Variants in TFPI observed in about 807,000 individuals in gnomAD.
TFPI encodes the protein anti-convertin.
In TFPI, 15 loss-of-function variants were observed where a neutral mutation model predicts 34.6. The observed-to-expected ratio is 0.43, with a 90% CI of 0.29 to 0.67. TFPI has a LOEUF of 0.67. Ranked by LOEUF, TFPI falls within the 30% of genes least tolerant of loss-of-function variation. The probability of loss-of-function intolerance (pLI) is 0.15; values close to 1 mark genes in which losing one functional copy is unlikely to be tolerated. For synonymous variants in TFPI, 105 were observed against 120.1 expected (o/e 0.87, Z 0.82); for missense variants, 301 against 364.0 (o/e 0.83, Z 1.41).
intron 1 of TFPI, chr2:187,527,375 C>A (rs1246084587): frequency 6.6e-6 from 1 of 152,100 alleles, no homozygotes; most frequent in Non-Finnish European, 1.5e-5. Context: ...TGCATAATCT[C>A]AGGGAGAGGT....
intron 1 of TFPI, 173 bp downstream of exon 1, chr2:187,554,027 G>T (rs1350119671): frequency 6.6e-6 from 1 of 152,010 alleles, no homozygotes; most frequent in African/African-American, 2.4e-5. Context: ...CTCAAGTTTG[G>T]ATTGCAGTTT....
intron 6 of TFPI, among the ~76,000 whole-genome samples, chr2:187,476,039 A>C (rs1238202308): frequency 6.6e-6 from 1 of 152,180 alleles, no homozygotes; most frequent in Non-Finnish European, 1.5e-5. Flanking sequence ...TTGGTGCAAC[A>C]GTGCTGATTC....
At chr2:187,537,136 A>G (rs1283966610) in intron 1 of TFPI, among the ~76,000 whole-genome samples, 1 of 152,254 alleles carries the variant, frequency 6.6e-6, no homozygotes, top group Non-Finnish European at 1.5e-5. Context: ...AGAAAAATCA[A>G]TATCATGAAA....
chr2:187,519,279 C>T, intron 1 of TFPI: 1 of 153,778 alleles, frequency 6.5e-6, no homozygotes, highest in Non-Finnish European at 1.4e-5. Context: ...CATGGATTTA[C>T]CTACCTTTGG....
intron 1 of TFPI, chr2:187,520,501 A>C (rs1429822433): frequency 6.6e-6 from 1 of 152,060 alleles, no homozygotes; most frequent in Non-Finnish European, 1.5e-5. Flanking sequence ...TCCCGATGAG[A>C]TGAGCCAGAT....
rs1329036572 is a variant in TFPI at position 187,547,433 on chromosome 2, G to A, written c.-3+6767C>T. The A allele has an allele frequency of 2.0e-5, 3 of 152,134 alleles. No homozygotes were observed. In the East Asian group the frequency reaches 5.8e-4, roughly 29 times the overall value. 9.4% of individuals were successfully genotyped at this position (152,134 alleles called of 1,614,324 possible). ...TTTAGTAATAAAAATAAGCCTTAAT[G>A]TGAAAAAGCTAAGAATTCATGATTG... On this transcript the variant is annotated intron_variant, in intron 1 of 7. Transcript: ENST00000233156.
chr2:187,512,774 TG>T (rs199608529), intron 1 of TFPI, among the ~76,000 whole-genome samples: 9 of 151,422 alleles, frequency 5.9e-5, no homozygotes, highest in South Asian at 4.2e-4. Flanking sequence ...GAAAAAAAGT[TG>T]GGGGGGGCCG....
At chr2:187,542,866 C>A (rs368504916) in intron 1 of TFPI, among the ~76,000 whole-genome samples, 1,764 of 121,304 alleles carry the variant, frequency 0.015, no homozygotes, top group Non-Finnish European at 0.017. Context: ...GACTTAGTCT[C>A]AAAAAAAAAA....
intron 6 of TFPI, among the ~76,000 whole-genome samples, chr2:187,473,818 CG>C (rs8176560): frequency 0.017 from 2,603 of 150,244 alleles, 70 homozygotes; most frequent in African/African-American, 0.06. Context: ...TTTTTCCCCC[CG>C]CATGTGTATA....
chr2:187,482,502 A>G (rs1692946205), intron 6 of TFPI, among the ~76,000 whole-genome samples: 1 of 152,094 alleles, frequency 6.6e-6, no homozygotes, highest in Non-Finnish European at 1.5e-5. Flanking sequence ...ACTCAAGTTC[A>G]TCTGGCATTC....
intron 1 of TFPI, among the ~76,000 whole-genome samples, chr2:187,520,847 T>C (rs561316307): frequency 6.6e-6 from 1 of 152,304 alleles, no homozygotes; most frequent in East Asian, 1.9e-4. Context: ...ACATTGTTGC[T>C]CAAATGGTCT....
At chr2:187,494,172 C>A (rs901417723) in intron 3 of TFPI, among the ~76,000 whole-genome samples, 2 of 151,746 alleles carry the variant, frequency 1.3e-5, no homozygotes, top group Non-Finnish European at 2.9e-5. Flanking sequence ...ATGGGAAAGA[C>A]CACCTTCCCC....
chr2:187,530,328 C>T (rs797018427), intron 1 of TFPI, among the ~76,000 whole-genome samples: 32 of 152,140 alleles, frequency 2.1e-4, no homozygotes, highest in African/African-American at 5.3e-4. Context: ...TTCAAAATTG[C>T]GCACAATAAA....
chr2:187,517,418 G>C (rs973254246), intron 1 of TFPI: 1 of 152,144 alleles, frequency 6.6e-6, no homozygotes, highest in African/African-American at 2.4e-5. Context: ...TAGTCATTTA[G>C]GAGAAGGTTG....
rs1429876591 is a variant in TFPI, at chr2:187,466,021, A to G, written c.*915T>C. The G allele has an allele frequency of 6.6e-6, 1 of 152,212 alleles. No homozygotes were observed. Among genetic ancestry groups the G allele is most frequent in the African/African-American group, 2.4e-5 (1 of 41,460 alleles). 9.4% of individuals were successfully genotyped at this position (152,212 alleles called of 1,614,324 possible). A position where few individuals can be genotyped will look rare whatever the true frequency, so the allele number is the denominator to read the frequency against. On this transcript the variant is annotated 3_prime_UTR_variant, in exon 8 of 8. Coordinates refer to ENST00000233156, the MANE Select transcript of TFPI (RefSeq NM_006287.6). Reference sequence around the variant, plus strand: ...CCCTGCTGATAATTTTCTCTTCAACAGAAATAACCTACTTTTTAAAGCATG... The same window carrying G: ...CCCTGCTGATAATTTTCTCTTCAACGGAAATAACCTACTTTTTAAAGCATG...
intron 1 of TFPI, among the ~76,000 whole-genome samples, chr2:187,524,741 AG>A (rs1687592119): frequency 6.6e-6 from 1 of 152,098 alleles, no homozygotes; most frequent in South Asian, 2.1e-4. Flanking sequence ...CATTTTTTAA[AG>A]GTATGAAATA....
intron 1 of TFPI, among the ~76,000 whole-genome samples, chr2:187,540,445 C>T (rs1688517814): frequency 6.6e-6 from 1 of 151,952 alleles, no homozygotes; most frequent in African/African-American, 2.4e-5. Context: ...AAGATAGATC[C>T]TTGGTAAAGT....
intron 1 of TFPI, among the ~76,000 whole-genome samples, chr2:187,547,974 A>G (rs1016315404): frequency 1.3e-5 from 2 of 152,126 alleles, no homozygotes. Flanking sequence ...TCAAATCCTC[A>G]TTACTTTATA....
At chr2:187,528,136 C>G (rs935445194) in intron 1 of TFPI, among the ~76,000 whole-genome samples, 1 of 151,982 alleles carries the variant, frequency 6.6e-6, no homozygotes, top group African/African-American at 2.4e-5. Flanking sequence ...TCATAAAGTA[C>G]TTCTACATCA....
Sources: gnomAD v4.1 joint callset for allele counts (sites outside exome capture counted in the v4.1 genomes callset) on GRCh38, gnomAD v4.1.1 for gene constraint, MANE v1.5 for transcripts, NCBI Gene and HGNC (gene_info 2026-07-23, HGNC 2026-07-21) for gene names.